The following CALD1 variants were observed in gnomAD, a reference collection of about 807,000 sequenced individuals.
CALD1 encodes caldesmon 1, also known as caldesmon.
Under a neutral mutation model 99.9 loss-of-function variants are expected in CALD1, and 33 were observed. The observed-to-expected ratio is 0.33, with a 90% CI of 0.25 to 0.44. CALD1 has a LOEUF of 0.44. Ranked by LOEUF, CALD1 falls within the 20% of genes least tolerant of loss-of-function variation. The pLI is 1.00. For synonymous variants in CALD1, 310 were observed against 325.0 expected (o/e 0.95, Z 0.50); for missense variants, 861 against 962.1 (o/e 0.89, Z 1.39).
chr7:134,795,378 C>T (rs749207158), intron 1 of CALD1, among the ~76,000 whole-genome samples: 7 of 152,058 alleles, frequency 4.6e-5, no homozygotes, highest in South Asian at 2.1e-4. Flanking sequence ...TCTTGCCTGC[C>T]GCCATGTAAG....
At position 134,968,308 on chromosome 7, in the gene CALD1, G is replaced by GCTGTGAAA. The variant is rs754594229; in HGVS notation, c.2377-28_2377-27insGAAACTGT. On this transcript the variant is annotated intron_variant, in intron 14 of 14. Transcript: ENST00000361675. The stretch of plus-strand genomic sequence containing the variant: ...GCAGGCTGTCAGTTTCACACTACAG[G>GCTGTGAAA]CTGTCAATTTCAAGTTCTCTTCTCT... 1.6e-5 allele frequency: 25 copies of GCTGTGAAA among 1,610,866 alleles called. No homozygotes were observed. In the South Asian group the frequency reaches 2.3e-4, roughly 15 times the overall value.
intron 1 of CALD1, among the ~76,000 whole-genome samples, chr7:134,758,035 G>A (rs1277818040): frequency 2.0e-5 from 3 of 152,182 alleles, no homozygotes; most frequent in Non-Finnish European, 2.9e-5. Context: ...CTTGTAACCA[G>A]CTGAGCACAG....
At chr7:134,925,238 A>G (rs1804916010) in intron 3 of CALD1, among the ~76,000 whole-genome samples, 1 of 152,156 alleles carries the variant, frequency 6.6e-6, no homozygotes, top group Non-Finnish European at 1.5e-5. Flanking sequence ...ATCAAAGATG[A>G]AGAGAGGTTA....
chr7:134,717,363 A>G, the CALD1 span, among the ~76,000 whole-genome samples: 1 of 152,250 alleles, frequency 6.6e-6, no homozygotes, highest in Non-Finnish European at 1.5e-5. Context: ...ATAAGCTGAA[A>G]AAGCCCAATT....
chr7:134,793,214 C>T (rs556782087), intron 1 of CALD1, among the ~76,000 whole-genome samples: 1 of 152,328 alleles, frequency 6.6e-6, no homozygotes, highest in Admixed American at 6.5e-5. Flanking sequence ...CTTGTGCATG[C>T]CTGCACAGGG....
At chr7:134,937,860 C>A (rs1246723752) in intron 6 of CALD1, among the ~76,000 whole-genome samples, 4 of 152,190 alleles carry the variant, frequency 2.6e-5, no homozygotes, top group African/African-American at 9.7e-5. Context: ...CGATCACCAA[C>A]ACTGAAACTT....
chr7:134,816,536 A>G lies in CALD1; in HGVS notation c.-129-27348A>G, dbSNP rs1331281427. Among the ~76,000 whole-genome samples, 4 of 152,196 alleles carry G rather than the reference A, an allele frequency of 2.6e-5. No homozygotes were observed. In the East Asian group the frequency reaches 7.7e-4, roughly 29 times the overall value. On this transcript the variant is annotated intron_variant, in intron 1 of 14. Coordinates refer to ENST00000361675, the MANE Select transcript of CALD1 (RefSeq NM_033138.4). The stretch of plus-strand genomic sequence containing the variant: ...GTGTACATGCTCAGAAACCAAACCT[A>G]TTCCTGAATAGCCCCTTTCTCTTCA...
At chr7:134,751,204 A>G (rs1796683017) in intron 1 of CALD1, among the ~76,000 whole-genome samples, 1 of 152,224 alleles carries the variant, frequency 6.6e-6, no homozygotes. Context: ...CTGTGAAATG[A>G]AAGTAACAAC....
the CALD1 span, among the ~76,000 whole-genome samples, chr7:134,737,746 G>A: frequency 2.0e-5 from 3 of 152,076 alleles, no homozygotes; most frequent in African/African-American, 7.2e-5. Context: ...CTCATTTCGT[G>A]TGGGCTTGCT....
intron 13 of CALD1, chr7:134,961,788 G>C (rs1183889724): frequency 1.3e-5 from 2 of 152,142 alleles, no homozygotes; most frequent in Non-Finnish European, 2.9e-5. Context: ...GGACACAGTT[G>C]AGGCAAGAGA....
At chr7:134,772,988 A>ATTATT (rs1316090602) in intron 1 of CALD1, among the ~76,000 whole-genome samples, 2 of 152,224 alleles carry the variant, frequency 1.3e-5, no homozygotes, top group Non-Finnish European at 2.9e-5. Context: ...ACTCCAAAGT[A>ATTATT]TTATTCCCCC....
chr7:134,747,385 C>T (rs556502796), intron 1 of CALD1, among the ~76,000 whole-genome samples: 1 of 152,294 alleles, frequency 6.6e-6, no homozygotes, highest in East Asian at 1.9e-4. Flanking sequence ...AATTCTGTTT[C>T]GCCAACCCTA....
chr7:134,871,280 C>T (rs1181521608), intron 3 of CALD1, among the ~76,000 whole-genome samples: 1 of 151,998 alleles, frequency 6.6e-6, no homozygotes, highest in Non-Finnish European at 1.5e-5. Flanking sequence ...ATACCTGAGC[C>T]CAGATGGGAG....
Position 134,933,118 on chromosome 7 carries a change from C to T in CALD1, c.349C>T (p.Arg117Trp), listed in dbSNP as rs766257245. 3.8e-5 allele frequency: 61 copies of T among 1,613,548 alleles called. No individual in the cohort carries two copies. The highest frequency in any genetic ancestry group is 8.3e-5 in the Admixed American group (5 of 59,950). The change falls in exon 5 of 15, where the codon CGG (arginine) becomes TGG (tryptophan). Residue 117 changes from arginine to tryptophan, a missense_variant. By Grantham distance (101) the Arg-to-Trp change is moderately radical (BLOSUM62 -3). Transcript: ENST00000361675. The part of the protein sequence containing the change: ...RQKRLQEALE[R>W]QKEFDPTITD... ...AAAACGCCTTCAGGAGGCTCTGGAG[C>T]GGCAGAAGGAGTTCGACCCAACAAT...
chr7:134,800,602 C>A (rs1045726486), intron 1 of CALD1, among the ~76,000 whole-genome samples: 1 of 151,676 alleles, frequency 6.6e-6, no homozygotes, highest in South Asian at 2.1e-4. Flanking sequence ...ATATTTCTGT[C>A]TAATTATCTT....
chr7:134,933,605 G>A lies in CALD1; in HGVS notation c.836G>A (p.Arg279Lys), dbSNP rs1467689228. Residue 279 changes from arginine (R) to lysine (K), a missense_variant, in exon 5 of 15, where the codon AGA (arginine) becomes AAA (lysine). This residue lies in a region of CALD1 where 234 missense variants were observed against 233.1 expected (regional missense o/e 1.00). Transcript: ENST00000361675. Reference protein sequence around the residue: ...RARLEAEERERIKAEQDKKIA... With the variant: ...RARLEAEEREKIKAEQDKKIA... ...AGGTTGGAAGCAGAAGAAAGAGAAA[G>A]AATTAAAGCCGAGCAAGACAAAAAG... The A allele has an allele frequency of 6.2e-7, 1 of 1,612,688 alleles. No homozygotes were observed. The highest frequency in any genetic ancestry group is 8.5e-7 in the Non-Finnish European group (1 of 1,179,468).
intron 13 of CALD1, chr7:134,962,067 C>T (rs1563137137): frequency 6.6e-6 from 1 of 152,022 alleles, no homozygotes; most frequent in Non-Finnish European, 1.5e-5. Context: ...TCTATGTTTC[C>T]CTCTTTGATA....
intron 1 of CALD1, among the ~76,000 whole-genome samples, chr7:134,838,555 C>A (rs1242544876): frequency 6.6e-6 from 1 of 152,124 alleles, no homozygotes; most frequent in Admixed American, 6.5e-5. Flanking sequence ...TTGGTATGGA[C>A]CACTTGCAAA....
chr7:134,866,387 G>A (rs894857495), intron 2 of CALD1, among the ~76,000 whole-genome samples: 5 of 152,068 alleles, frequency 3.3e-5, no homozygotes, highest in African/African-American at 1.2e-4. Flanking sequence ...ACCAAGATTT[G>A]AATTTCTAAA....
Sources: gnomAD v4.1 joint callset for allele counts (sites outside exome capture counted in the v4.1 genomes callset) on GRCh38, gnomAD v4.1.1 for gene constraint, gnomAD v4.1.1 regional missense constraint, MANE v1.5 for transcripts, NCBI Gene and HGNC (gene_info 2026-07-23, HGNC 2026-07-21) for gene names.